Variants in SMC5 observed in about 807,000 individuals in gnomAD.
The protein encoded by SMC5 is structural maintenance of chromosomes 5.
A neutral mutation model predicts 148.3 loss-of-function variants in SMC5; 88 were observed. The ratio of observed to expected loss-of-function variants is 0.59; its 90% CI spans 0.50 to 0.71. The LOEUF is 0.71. Among genes scored for constraint, SMC5 ranks in the 30% least tolerant of loss-of-function variants. SMC5 has a pLI of 0.00. For synonymous variants in SMC5, 421 were observed against 432.8 expected (o/e 0.97, Z 0.34); for missense variants, 1,142 against 1,298.9 (o/e 0.88, Z 1.86).
chr9:70,317,883 T>A (rs1168484561), intron 13 of SMC5, among the ~76,000 whole-genome samples: 1 of 152,196 alleles, frequency 6.6e-6, no homozygotes, highest in East Asian at 1.9e-4. Context: ...TTATGTATCT[T>A]TGAACAGTAT....
chr9:70,352,842 AC>A lies in SMC5; in HGVS notation c.*513del, dbSNP rs915045385. The A allele has an allele frequency of 6.6e-6, 1 of 152,108 alleles. No homozygotes were observed. The highest frequency in any genetic ancestry group is 2.4e-5 in the African/African-American group (1 of 41,414). The allele number at this position is 152,108 out of a possible 1,614,324, so 9.4% of individuals were successfully genotyped here. Reference sequence around the variant, plus strand: ...TCATTTCTTCCTATTAAAAAAGATTACCTTATCTCCAGTAGGAAATGGAATT... The same window carrying A: ...TCATTTCTTCCTATTAAAAAAGATTACTTATCTCCAGTAGGAAATGGAATT... On this transcript the variant is annotated 3_prime_UTR_variant, in exon 25 of 25. Transcript: ENST00000361138.
chr9:70,309,349 T>G lies in SMC5; in HGVS notation c.1578+3989T>G, dbSNP rs11142361. ...TTTTTTTTTTTTTTTTTTTTTTTTT[T>G]GGGGACAGGGTCTTCCTCTGTCTCG... On this transcript the variant is annotated intron_variant, in intron 11 of 24. Transcript: ENST00000361138. Among the ~76,000 whole-genome samples the G allele has an allele frequency of 2.7e-3, 307 of 112,732 alleles. 2 individuals carry two copies. The highest frequency in any genetic ancestry group is 0.012 in the East Asian group (44 of 3,812). The allele number at this position is 112,732 out of a possible 152,430, so 74.0% of individuals were successfully genotyped here.
At position 70,259,187 on chromosome 9, in the gene SMC5, C is replaced by T. The variant is rs200212160; in HGVS notation, c.109C>T (p.Pro37Ser). ...CCCGAGCAAGAGGAAGAATTCGGCC[C>T]CGCAGCTGCCGCTGTTGCAGTCGTC... ...EVPSKRKNSAPQLPLLQSSGP... is the reference protein window; with the variant it reads ...EVPSKRKNSASQLPLLQSSGP... Residue 37 changes from proline to serine, a missense_variant, in exon 1 of 25, where the codon CCG (proline) becomes TCG (serine). By Grantham distance (74) the Pro-to-Ser change is moderately conservative. This residue lies in a region of SMC5 where 297 missense variants were observed against 302.6 expected (regional missense o/e 0.98). Coordinates refer to ENST00000361138, the MANE Select transcript of SMC5 (RefSeq NM_015110.4). The T allele has an allele frequency of 2.5e-5, 40 of 1,608,972 alleles. No homozygotes were observed. Among genetic ancestry groups the T allele is most frequent in the Non-Finnish European group, 3.4e-5 (40 of 1,177,746 alleles).
chr9:70,290,356 T>C (rs1325974991), intron 8 of SMC5, among the ~76,000 whole-genome samples: 5 of 152,146 alleles, frequency 3.3e-5, no homozygotes, highest in African/African-American at 1.2e-4. Context: ...CTCATTAGCA[T>C]AAAACCAGAT....
Position 70,344,385 on chromosome 9 carries a change from G to T in SMC5, c.2523+116G>T, listed in dbSNP as rs969928992. 2.3e-5 allele frequency: 14 copies of T among 604,968 alleles called. No homozygotes were observed. The Admixed American group carries it at 5.2e-4, about 23-fold the overall frequency. The allele number at this position is 604,968 out of a possible 1,614,324, so 37.5% of individuals were successfully genotyped here. On this transcript the variant is annotated intron_variant, in intron 18 of 24. Transcript: ENST00000361138. ...CATGATGTGTCGTAAAAAATAGGGAGTTTTTCCACATTTTTAAACTGAATA... is the reference window on the plus strand; with the variant it reads ...CATGATGTGTCGTAAAAAATAGGGATTTTTTCCACATTTTTAAACTGAATA...
intron 17 of SMC5, among the ~76,000 whole-genome samples, chr9:70,341,329 A>G (rs986410139): frequency 6.6e-6 from 1 of 152,198 alleles, no homozygotes; most frequent in African/African-American, 2.4e-5. Context: ...CTTCTTTTCC[A>G]TAATGTTCTA....
chr9:70,286,175 C>A (rs552039326), intron 7 of SMC5, 25 bp from the exon 8 acceptor site: 8 of 1,402,700 alleles, frequency 5.7e-6, no homozygotes, highest in South Asian at 2.4e-5. Flanking sequence ...AGCTGTCCCC[C>A]CCTCTCCCCG....
At chr9:70,322,814 A>G (rs968200409) in intron 15 of SMC5, among the ~76,000 whole-genome samples, 9 of 152,190 alleles carry the variant, frequency 5.9e-5, no homozygotes, top group Non-Finnish European at 1.2e-4. Context: ...CAGCCTAGGC[A>G]AAAGAATAAG....
In SMC5 at chr9:70,267,781, T is replaced by G. The variant is rs1039137051; in HGVS notation, c.328-142T>G. On this transcript the variant is annotated intron_variant, in intron 2 of 24. Coordinates refer to ENST00000361138, the MANE Select transcript of SMC5 (RefSeq NM_015110.4). ...TGGAGGAACCCAGATCTGGGAGAGA[T>G]ACCTTAGAAAGTGACAGGAGCGAAC... 6 of 626,776 alleles carry G rather than the reference T, an allele frequency of 9.6e-6. No individual in the cohort carries two copies. The African/African-American group carries it at 1.1e-4, about 12-fold the overall frequency. The allele number at this position is 626,776 out of a possible 1,614,324, so 38.8% of individuals were successfully genotyped here. A position where few individuals can be genotyped will look rare whatever the true frequency, so the allele number is the denominator to read the frequency against.
At chr9:70,344,326 T>C in intron 18 of SMC5, 57 bp downstream of exon 18, 1 of 1,299,900 alleles carries the variant, frequency 7.7e-7, no homozygotes, top group Non-Finnish European at 1.0e-6. Context: ...TTTAAGATTA[T>C]GGAATCTTAG....
intron 2 of SMC5, among the ~76,000 whole-genome samples, 184 bp downstream of exon 2, chr9:70,264,629 T>C (rs190238827): frequency 6.6e-6 from 1 of 152,280 alleles, no homozygotes; most frequent in East Asian, 1.9e-4. Context: ...TGGATCATAA[T>C]ACTAGAGGAT....
intron 17 of SMC5, among the ~76,000 whole-genome samples, chr9:70,334,435 T>C (rs1421027487): frequency 1.3e-5 from 2 of 152,166 alleles, no homozygotes; most frequent in Non-Finnish European, 2.9e-5. Context: ...ACAACTTTTG[T>C]TTTCGGTAGA....
intron 1 of SMC5, among the ~76,000 whole-genome samples, chr9:70,260,094 G>A (rs867515736): frequency 1.4e-4 from 22 of 152,076 alleles, no homozygotes; most frequent in African/African-American, 4.1e-4. Context: ...ACAGGCGCGC[G>A]CCACCACGCC....
intron 1 of SMC5, among the ~76,000 whole-genome samples, chr9:70,263,959 G>A (rs1179862392): frequency 6.6e-6 from 1 of 152,062 alleles, no homozygotes; most frequent in Non-Finnish European, 1.5e-5. Context: ...GGTAAGCCGT[G>A]GCGTCTCCTA....
chr9:70,274,469 CTT>C (rs765932260), intron 3 of SMC5, among the ~76,000 whole-genome samples: 1 of 143,694 alleles, frequency 7.0e-6, no homozygotes, highest in African/African-American at 2.5e-5. Flanking sequence ...TAGTTAGCAG[CTT>C]TTTTTTTTTT....
intron 17 of SMC5, among the ~76,000 whole-genome samples, chr9:70,325,725 G>A (rs182109982): frequency 3.9e-5 from 6 of 152,166 alleles, no homozygotes; most frequent in African/African-American, 1.4e-4. Context: ...GATAATGCAA[G>A]TAAAATAGAA....
At chr9:70,307,897 T>C (rs1473682647) in intron 11 of SMC5, among the ~76,000 whole-genome samples, 1 of 152,218 alleles carries the variant, frequency 6.6e-6, no homozygotes, top group East Asian at 1.9e-4. Context: ...ATGTTGCCAT[T>C]GTATTTTGAG....
intron 3 of SMC5, among the ~76,000 whole-genome samples, chr9:70,273,305 T>C (rs1266860556): frequency 6.6e-6 from 1 of 151,900 alleles, no homozygotes; most frequent in African/African-American, 2.4e-5. Flanking sequence ...TGGTTATTTA[T>C]ACTTCGTAAA....
chr9:70,293,780 A>G (rs563709509), intron 8 of SMC5, among the ~76,000 whole-genome samples: 2 of 152,226 alleles, frequency 1.3e-5, no homozygotes, highest in Non-Finnish European at 2.9e-5. Flanking sequence ...ATATTCTTCT[A>G]CCGCTTTTTG....
Sources: gnomAD v4.1 joint callset for allele counts (sites outside exome capture counted in the v4.1 genomes callset) on GRCh38, gnomAD v4.1.1 for gene constraint, gnomAD v4.1.1 regional missense constraint, MANE v1.5 for transcripts, NCBI Gene and HGNC (gene_info 2026-07-23, HGNC 2026-07-21) for gene names.